Variants in SCN11A observed in about 807,000 individuals in gnomAD.
The protein encoded by SCN11A is sodium voltage-gated channel alpha subunit 11, also known as sodium channel protein type 11 subunit alpha.
SCN11A carries 122 observed loss-of-function variants against 162.2 expected under a neutral mutation model. The observed-to-expected ratio is 0.75, with a 90% CI of 0.65 to 0.87. The LOEUF (loss-of-function observed/expected upper bound fraction) is 0.87. SCN11A is among the 40% of genes least tolerant of loss of function. The pLI is 0.00. For missense variants in SCN11A, 2,015 were observed against 2,181.6 expected (o/e 0.92, Z 1.52); for synonymous variants, 758 against 751.5 (o/e 1.01, Z -0.14).
intron 3 of SCN11A, among the ~76,000 whole-genome samples, chr3:38,958,183 C>T (rs1384867519): frequency 6.6e-6 from 1 of 152,212 alleles, no homozygotes; most frequent in Non-Finnish European, 1.5e-5. Flanking sequence ...CACATGTAGC[C>T]CCCCATGGGA....
intron 7 of SCN11A, among the ~76,000 whole-genome samples, chr3:38,929,016 A>C (rs942979231): frequency 6.6e-6 from 1 of 152,202 alleles, no homozygotes; most frequent in Non-Finnish European, 1.5e-5. Context: ...TCATAATAAC[A>C]AAGAGGTGGA....
chr3:38,990,712 C>T (rs183950331), intron 2 of SCN11A, among the ~76,000 whole-genome samples: 5 of 152,242 alleles, frequency 3.3e-5, no homozygotes, highest in South Asian at 2.1e-4. Flanking sequence ...CACAGCCCTT[C>T]GAAATAGAGT....
At chr3:39,037,860 T>C (rs1181296202) in intron 1 of SCN11A, among the ~76,000 whole-genome samples, 2 of 151,914 alleles carry the variant, frequency 1.3e-5, no homozygotes, top group African/African-American at 4.8e-5. Flanking sequence ...TATCTAGGAG[T>C]TTTGGCAGAA....
At chr3:38,851,022 A>G (rs1212705674) in intron 28 of SCN11A, among the ~76,000 whole-genome samples, 2 of 152,210 alleles carry the variant, frequency 1.3e-5, no homozygotes, top group Non-Finnish European at 2.9e-5. Flanking sequence ...AAAAAGTCTT[A>G]GTAACAACAT....
At chr3:38,960,188 A>G (rs1489287364) in intron 3 of SCN11A, among the ~76,000 whole-genome samples, 95 bp downstream of exon 3, 1 of 151,930 alleles carries the variant, frequency 6.6e-6, no homozygotes, top group Non-Finnish European at 1.5e-5. Context: ...AAAGGCCTGT[A>G]CTCTACCCTG....
chr3:38,918,402 G>C (rs1335100507), intron 11 of SCN11A, among the ~76,000 whole-genome samples: 2 of 152,168 alleles, frequency 1.3e-5, no homozygotes, highest in African/African-American at 4.8e-5. Context: ...TCACATCAGT[G>C]GTAAGCATTA....
intron 2 of SCN11A, among the ~76,000 whole-genome samples, chr3:39,028,244 C>T (rs2031639311): frequency 6.6e-6 from 1 of 152,214 alleles, no homozygotes. Context: ...CACTGAAGAT[C>T]TACCTCATTA....
At chr3:38,869,583 A>G (rs1447194521) in intron 26 of SCN11A, among the ~76,000 whole-genome samples, 2 of 152,160 alleles carry the variant, frequency 1.3e-5, no homozygotes. Context: ...ATATTAACTT[A>G]TAATGACAAT....
chr3:38,905,114 T>G, intron 15 of SCN11A, 78 bp downstream of exon 15: 1 of 1,590,820 alleles, frequency 6.3e-7, no homozygotes, highest in Admixed American at 1.7e-5. Context: ...GCAGAGGGCT[T>G]CTAGGGGATT....
At chr3:39,017,612 G>GTC (rs1009914359) in intron 2 of SCN11A, among the ~76,000 whole-genome samples, 27 of 151,644 alleles carry the variant, frequency 1.8e-4, no homozygotes, top group African/African-American at 5.8e-4. Context: ...TATTTTTTCT[G>GTC]TCTCTCTCTC....
intron 7 of SCN11A, among the ~76,000 whole-genome samples, chr3:38,927,539 C>T (rs946090521): frequency 6.6e-5 from 10 of 152,122 alleles, no homozygotes; most frequent in African/African-American, 2.4e-4. Flanking sequence ...AGGTCTCACA[C>T]TTCCTGATAT....
chr3:39,021,636 G>C (rs1233236285), intron 2 of SCN11A, among the ~76,000 whole-genome samples: 1 of 152,144 alleles, frequency 6.6e-6, no homozygotes, highest in Admixed American at 6.5e-5. Flanking sequence ...ACAGGCATTT[G>C]TTCTGAGTCC....
chr3:38,912,867 TC>T (rs2065904645), intron 11 of SCN11A, among the ~76,000 whole-genome samples: 1 of 152,212 alleles, frequency 6.6e-6, no homozygotes, highest in African/African-American at 2.4e-5. Flanking sequence ...ATTTTCTTTA[TC>T]CAGTTTGTCA....
intron 2 of SCN11A, among the ~76,000 whole-genome samples, chr3:39,014,373 C>G (rs2031229556): frequency 6.6e-6 from 1 of 152,340 alleles, no homozygotes; most frequent in Non-Finnish European, 1.5e-5. Flanking sequence ...TCAACAAACT[C>G]TTGCAAACAG....
At chr3:39,009,189 CTTA>C (rs1029728467) in intron 2 of SCN11A, among the ~76,000 whole-genome samples, 12 of 151,816 alleles carry the variant, frequency 7.9e-5, no homozygotes, top group Non-Finnish European at 1.6e-4. Context: ...TAATATCATT[CTTA>C]TTATATTTGT....
At chr3:38,963,385 ATG>A (rs2066756830) in intron 2 of SCN11A, among the ~76,000 whole-genome samples, 2 of 73,766 alleles carry the variant, frequency 2.7e-5, no homozygotes, top group African/African-American at 8.6e-5. Context: ...ATATATATAT[ATG>A]ATGGAGATAT....
chr3:38,926,410 T>A (rs979070676), intron 8 of SCN11A, among the ~76,000 whole-genome samples: 2 of 152,198 alleles, frequency 1.3e-5, no homozygotes, highest in African/African-American at 4.8e-5. Context: ...CTGGTACTCA[T>A]CATACCATAT....
intron 1 of SCN11A, among the ~76,000 whole-genome samples, chr3:39,039,059 T>C (rs536167213): frequency 6.6e-6 from 1 of 152,344 alleles, no homozygotes; most frequent in African/African-American, 2.4e-5. Context: ...ATAAGTTTAA[T>C]AACATCAATC....
rs530909263 is a variant in SCN11A, at chr3:39,028,709, A to G, written c.-280+3671T>C. On this transcript the variant is annotated intron_variant, in intron 2 of 29. Transcript: ENST00000302328. ...TTGGCAAATGGCATCACATGGCAAG[A>G]GAGCAAGAGTGTGCAAAAAAGACAA... Among the ~76,000 whole-genome samples the G allele has an allele frequency of 3.3e-5, 5 of 152,360 alleles. No individual in the cohort carries two copies. In the East Asian group the frequency reaches 9.6e-4, roughly 29 times the overall value.
Sources: allele counts gnomAD v4.1 joint callset (sites outside exome capture counted in the v4.1 genomes callset), GRCh38; gene constraint gnomAD v4.1.1; transcripts MANE v1.5; gene names NCBI Gene and HGNC (gene_info 2026-07-23, HGNC 2026-07-21).